MYLK4: variants seen among roughly 807,000 people sequenced by gnomAD.
MYLK4 encodes the protein caMLCK like.
In MYLK4, 46 loss-of-function variants were observed where a neutral mutation model predicts 48.1. The observed-to-expected ratio is 0.96, with a 90% CI of 0.75 to 1.22. MYLK4 has a LOEUF of 1.22. Ranked by LOEUF, MYLK4 falls within the 50% of genes most tolerant of loss-of-function variation. MYLK4 has a pLI of 0.00. For missense variants in MYLK4, 451 were observed against 486.1 expected (o/e 0.93, Z 0.68); for synonymous variants, 170 against 180.8 (o/e 0.94, Z 0.48).
chr6:2,732,130 C>T (rs1184904288), intron 2 of MYLK4, among the ~76,000 whole-genome samples: 1 of 152,236 alleles, frequency 6.6e-6, no homozygotes. Flanking sequence ...GCCTTGTTTT[C>T]TTCCTGATTC....
In MYLK4 at chr6:2,672,757, T is replaced by C. The variant is rs1044246899; in HGVS notation, c.1120-1409A>G. On this transcript the variant is annotated intron_variant, in intron 11 of 12. Coordinates refer to ENST00000274643, the MANE Select transcript of MYLK4 (RefSeq NM_001012418.5). The surrounding 1 kb of genome is among the most constrained non-coding windows in gnomAD (Gnocchi z 4.3). ...TGGTACAAGAAAGGCTCTGGAAGCA[T>C]CGCTCAGGTCCCCTGTACCCAGCAG... 6.6e-6 allele frequency among the ~76,000 whole-genome samples: 1 copy of C among 152,204 alleles called. No homozygotes were observed. Among genetic ancestry groups the C allele is most frequent in the Non-Finnish European group, 1.5e-5 (1 of 68,030 alleles).
At chr6:2,707,430 T>TAC (rs1010429134) in intron 2 of MYLK4, among the ~76,000 whole-genome samples, 4 of 152,146 alleles carry the variant, frequency 2.6e-5, no homozygotes, top group South Asian at 2.1e-4. Context: ...GGCGCACATT[T>TAC]ACACGCACAC....
the MYLK4 span, chr6:2,766,303 G>T: frequency 6.2e-7 from 1 of 1,608,910 alleles, no homozygotes; most frequent in Non-Finnish European, 8.5e-7. Context: ...GCAAGCCGCT[G>T]GCCGACACGA....
chr6:2,704,893 T>C (rs560983958), intron 2 of MYLK4, among the ~76,000 whole-genome samples: 32 of 152,356 alleles, frequency 2.1e-4, no homozygotes, highest in African/African-American at 7.7e-4. Context: ...AGTCCAATTA[T>C]ACATCATATC....
At chr6:2,677,300 C>T (rs1376065643) in intron 10 of MYLK4, among the ~76,000 whole-genome samples, 1 of 152,186 alleles carries the variant, frequency 6.6e-6, no homozygotes, top group Admixed American at 6.5e-5. Context: ...AAAGCATCTC[C>T]TGCCAAGCTG....
At chr6:2,670,436 G>A (rs1367187477) in intron 12 of MYLK4, among the ~76,000 whole-genome samples, 1 of 152,138 alleles carries the variant, frequency 6.6e-6, no homozygotes, top group Non-Finnish European at 1.5e-5. Flanking sequence ...TCAACGCTGT[G>A]CAGTTACATG....
intron 2 of MYLK4, among the ~76,000 whole-genome samples, chr6:2,699,638 G>A (rs1204589218): frequency 6.6e-6 from 1 of 152,044 alleles, no homozygotes; most frequent in Non-Finnish European, 1.5e-5. Context: ...AAAAGACCGT[G>A]TGGAGCCCAG....
intron 4 of MYLK4, among the ~76,000 whole-genome samples, chr6:2,686,868 T>A (rs887207803): frequency 1.3e-5 from 2 of 152,190 alleles, no homozygotes; most frequent in African/African-American, 2.4e-5. Flanking sequence ...TTGGTTGTTA[T>A]GGAAATGGTT....
chr6:2,734,480 G>A (rs115946320), intron 2 of MYLK4, among the ~76,000 whole-genome samples: 107 of 152,192 alleles, frequency 7.0e-4, no homozygotes, highest in Middle Eastern at 3.4e-3. Flanking sequence ...GTGTTTTGTC[G>A]GCCTGGGAAA....
intron 2 of MYLK4, among the ~76,000 whole-genome samples, chr6:2,699,287 C>CTTTTCTTTTTTTTTTTTTTTTTTT (rs1193027641): frequency 1.3e-5 from 1 of 77,894 alleles, no homozygotes; most frequent in African/African-American, 5.5e-5. Flanking sequence ...CTTTTCTTTT[C>CTTTTCTTTTTTTTTTTTTTTTTTT]TTTTTTTTTT....
the MYLK4 span, chr6:2,766,553 T>A: frequency 7.1e-7 from 1 of 1,404,992 alleles, no homozygotes; most frequent in Non-Finnish European, 9.3e-7. Context: ...CTGCCTCTCC[T>A]GGATAAGGGG....
intron 2 of MYLK4, among the ~76,000 whole-genome samples, chr6:2,719,716 AT>A (rs1363675687): frequency 2.0e-5 from 3 of 152,246 alleles, no homozygotes; most frequent in Non-Finnish European, 4.4e-5. Context: ...TATGAAATTT[AT>A]TTAAAAAGAA....
intron 2 of MYLK4, among the ~76,000 whole-genome samples, chr6:2,725,806 T>C (rs906082813): frequency 1.9e-4 from 29 of 152,184 alleles, no homozygotes; most frequent in African/African-American, 6.5e-4. Context: ...TACGTCCAAA[T>C]TTAACATTTT....
intron 2 of MYLK4, among the ~76,000 whole-genome samples, chr6:2,717,803 C>T (rs1389487802): frequency 6.6e-6 from 1 of 152,246 alleles, no homozygotes; most frequent in African/African-American, 2.4e-5. Flanking sequence ...TTCACTGCTA[C>T]ATGCTGTCTC....
intron 2 of MYLK4, among the ~76,000 whole-genome samples, chr6:2,744,505 G>C (rs1441984994): frequency 5.9e-5 from 9 of 152,176 alleles, no homozygotes; most frequent in African/African-American, 2.2e-4. Flanking sequence ...GTTATTTTGA[G>C]ATCTAAGTTA....
intron 2 of MYLK4, among the ~76,000 whole-genome samples, chr6:2,695,515 A>G (rs990368722): frequency 6.6e-6 from 1 of 152,226 alleles, no homozygotes; most frequent in Non-Finnish European, 1.5e-5. Context: ...TGAGGAATAT[A>G]AGAAGCCAGC....
intron 2 of MYLK4, among the ~76,000 whole-genome samples, chr6:2,732,197 A>C (rs926780255): frequency 1.3e-5 from 2 of 152,164 alleles, no homozygotes; most frequent in African/African-American, 4.8e-5. Context: ...TGATGGTAAC[A>C]ATACCATTAA....
chr6:2,685,191 C>G lies in MYLK4; in HGVS notation c.545+105G>C. On this transcript the variant is annotated intron_variant, in intron 6 of 12. Coordinates refer to ENST00000274643, the MANE Select transcript of MYLK4 (RefSeq NM_001012418.5). This position sits in a 1 kb window ranked among gnomAD's most constrained non-coding sequence, Gnocchi z 4.5. ...CCGCGCGAATCAGAGTCTGCGGGGGCGAGCTTGGTTCTGGTCCCGCTACAG... is the reference window on the plus strand; with the variant it reads ...CCGCGCGAATCAGAGTCTGCGGGGGGGAGCTTGGTTCTGGTCCCGCTACAG... The G allele has an allele frequency of 1.3e-6, 1 of 781,288 alleles. No individual in the cohort carries two copies. The highest frequency in any genetic ancestry group is 2.3e-6 in the Non-Finnish European group (1 of 443,094). 48.4% of individuals were successfully genotyped at this position (781,288 alleles called of 1,614,324 possible). A position where few individuals can be genotyped will look rare whatever the true frequency, so the allele number is the denominator to read the frequency against.
At chr6:2,683,582 G>A (rs1318478810) in intron 6 of MYLK4, among the ~76,000 whole-genome samples, 2 of 152,064 alleles carry the variant, frequency 1.3e-5, no homozygotes, top group African/African-American at 2.4e-5. Context: ...ACCATGCCCG[G>A]CTAATTTTTG....
Sources: allele counts gnomAD v4.1 joint callset (sites outside exome capture counted in the v4.1 genomes callset), GRCh38; gene constraint gnomAD v4.1.1; non-coding constraint Gnocchi (gnomAD v3.1); transcripts MANE v1.5; gene names NCBI Gene and HGNC (gene_info 2026-07-23, HGNC 2026-07-21).